Variants in DNAJB1 observed in about 807,000 individuals in gnomAD.
DNAJB1 encodes the protein DnaJ heat shock protein family (Hsp40) member B1, also known as dnaJ homolog subfamily B member 1.
A neutral mutation model predicts 24.0 loss-of-function variants in DNAJB1; 14 were observed. That is an observed-to-expected ratio of 0.58 (90% CI 0.39 to 0.91). The LOEUF is 0.91. Ranked by LOEUF, DNAJB1 falls within the 40% of genes least tolerant of loss-of-function variation. The pLI is 0.00. For synonymous variants in DNAJB1, 262 were observed against 174.4 expected, an observed-to-expected ratio of 1.50 and a Z score of -3.96; for missense variants, 517 against 458.1, an observed-to-expected ratio of 1.13 and a Z score of -1.17.
intron 1 of DNAJB1, among the ~76,000 whole-genome samples, chr19:14,537,333 G>A (rs1189938056): frequency 1.3e-5 from 2 of 151,688 alleles, no homozygotes; most frequent in Non-Finnish European, 2.9e-5. Context: ...GGGACGGGAT[G>A]AGTGGTGGGC....
At chr19:14,542,264 C>T (rs1308296040) in intron 1 of DNAJB1, among the ~76,000 whole-genome samples, 1 of 151,166 alleles carries the variant, frequency 6.6e-6, no homozygotes, top group East Asian at 1.9e-4. Context: ...CATGCCCGAC[C>T]ACATTCTACT....
intron 1 of DNAJB1, among the ~76,000 whole-genome samples, chr19:14,559,210 A>G (rs575629062): frequency 7.9e-5 from 12 of 152,280 alleles, no homozygotes; most frequent in African/African-American, 2.9e-4. Context: ...ACATGAAACT[A>G]ACCATTTAAA....
In DNAJB1 at chr19:14,516,947, T is replaced by G. The variant is rs1471664346; in HGVS notation, c.311A>C (p.Glu104Ala). The G allele has an allele frequency of 6.2e-7, 1 of 1,613,716 alleles. No individual in the cohort carries two copies. Residue 104 changes from glutamate (E) to alanine (A), a missense_variant, in exon 2 of 3, where the codon GAG (glutamate) becomes GCG (alanine). Physicochemically the swap from Glu to Ala is moderately radical, Grantham distance 107. Coordinates refer to ENST00000254322, the MANE Select transcript of DNAJB1 (RefSeq NM_006145.3). The part of the protein sequence containing the change: ...FHGDPHAMFA[E>A]FFGGRNPFDT... ...AAAGGGATTTCTGCCACCGAAGAACTCAGCAAACATGGCATGAGGGTCTCC... is the reference window on the plus strand; with the variant it reads ...AAAGGGATTTCTGCCACCGAAGAACGCAGCAAACATGGCATGAGGGTCTCC...
intron 1 of DNAJB1, among the ~76,000 whole-genome samples, chr19:14,543,966 G>A (rs972412717): frequency 1.4e-4 from 21 of 150,830 alleles, no homozygotes; most frequent in Non-Finnish European, 4.4e-5. Context: ...TCGAACTCCT[G>A]ACCTCAAATG....
chr19:14,519,507 C>T (rs904089372), upstream of DNAJB1, among the ~76,000 whole-genome samples: 4 of 152,314 alleles, frequency 2.6e-5, no homozygotes, highest in South Asian at 8.3e-4. Context: ...AGGATCTGGA[C>T]GGAAGCGCAT....
At chr19:14,527,131 C>G (rs1390524490) in intron 2 of DNAJB1, among the ~76,000 whole-genome samples, 3 of 129,230 alleles carry the variant, frequency 2.3e-5, no homozygotes, top group Non-Finnish European at 4.8e-5. Flanking sequence ...CAGAAGGCCT[C>G]AAAACTCAAA....
upstream of DNAJB1, chr19:14,533,848 T>C (rs2072762726): frequency 6.6e-6 from 1 of 152,202 alleles, no homozygotes; most frequent in South Asian, 2.1e-4. Flanking sequence ...GGGTCAGAGC[T>C]AGGTCGGTAA....
chr19:14,549,879 G>A (rs997739185), intron 1 of DNAJB1, among the ~76,000 whole-genome samples: 52 of 151,768 alleles, frequency 3.4e-4, no homozygotes, highest in African/African-American at 1.2e-3. Flanking sequence ...GCATGCGGAG[G>A]TTGCAGTGAG....
At chr19:14,539,746 C>T (rs548023147) in intron 1 of DNAJB1, among the ~76,000 whole-genome samples, 5 of 152,154 alleles carry the variant, frequency 3.3e-5, no homozygotes, top group Admixed American at 6.5e-5. Context: ...TTCGTGTTAC[C>T]GAGCGCTCAG....
intron 1 of DNAJB1, chr19:14,545,062 C>CTG (rs1491317706): frequency 4.4e-6 from 2 of 456,460 alleles, no homozygotes; most frequent in Non-Finnish European, 8.8e-6. Context: ...CTAAGCCTCT[C>CTG]ACCACTGTCT....
At chr19:14,532,954 A>C (rs1007024694), upstream of DNAJB1, among the ~76,000 whole-genome samples, 5 of 151,706 alleles carry the variant, frequency 3.3e-5, no homozygotes, top group South Asian at 2.1e-4. Context: ...TACTAAAAAC[A>C]AAAAAATTAG....
At chr19:14,554,985 G>T (rs1382336426), upstream of DNAJB1, among the ~76,000 whole-genome samples, 1 of 151,508 alleles carries the variant, frequency 6.6e-6, no homozygotes, top group Non-Finnish European at 1.5e-5. Context: ...CACCATGTTA[G>T]CCTGGCTGGT....
chr19:14,524,517 T>A (rs1222624376), intron 2 of DNAJB1, among the ~76,000 whole-genome samples: 1 of 150,488 alleles, frequency 6.6e-6, no homozygotes, highest in African/African-American at 2.5e-5. Context: ...TGAGACCCTG[T>A]CTCAAAAATA....
intron 1 of DNAJB1, among the ~76,000 whole-genome samples, chr19:14,549,477 C>T (rs922353228): frequency 6.6e-6 from 1 of 151,930 alleles, no homozygotes; most frequent in Non-Finnish European, 1.5e-5. Context: ...TCCTTGGCCC[C>T]CTAACCCGGC....
In DNAJB1 at chr19:14,518,326, C is replaced by T. The variant is rs141518218; in HGVS notation, c.24G>A (p.Thr8=). ...CCGACGCGCCGCGGGCCAGGCCCAA[C>T]GTCTGGTAGTAGTCTTTACCCATGA... MGKDYYQ[T]LGLARGASDE... Residue 8 remains threonine, a synonymous_variant, in exon 1 of 3, where the codon ACG becomes ACA. Transcript: ENST00000254322. 10,326 of 1,600,872 alleles carry T rather than the reference C, an allele frequency of 6.5e-3. 43 individuals are homozygous for T. The highest frequency in any genetic ancestry group is 8.1e-3 in the Non-Finnish European group (9,519 of 1,176,778).
chr19:14,548,200 G>A (rs1315535228), intron 1 of DNAJB1, among the ~76,000 whole-genome samples: 2 of 151,784 alleles, frequency 1.3e-5, no homozygotes, highest in Non-Finnish European at 2.9e-5. Flanking sequence ...CTGACTTCAT[G>A]ATCCGCCCCC....
intron 1 of DNAJB1, among the ~76,000 whole-genome samples, chr19:14,548,849 A>G (rs1057350061): frequency 6.6e-6 from 1 of 152,068 alleles, no homozygotes; most frequent in Non-Finnish European, 1.5e-5. Flanking sequence ...TGCTGTGATT[A>G]CAGGCGGGAG....
chr19:14,522,853 G>A (rs1013174834), upstream of DNAJB1, among the ~76,000 whole-genome samples: 17 of 152,064 alleles, frequency 1.1e-4, no homozygotes, highest in African/African-American at 3.6e-4. Context: ...TATTTCCTAC[G>A]TGTGTGATCT....
In DNAJB1 at chr19:14,543,248, G is replaced by C. The variant is rs1241838730; in HGVS notation, c.-214+6960C>G. ...GGGCAGATGGGTGGAGCTGCTGAAT[G>C]AATGTTTCTCAGGAGCTGGGTGGGG... On this transcript the variant is annotated intron_variant, in intron 1 of 3. Transcript: ENST00000676982. Among the ~76,000 whole-genome samples, 6 of 146,136 alleles carry C rather than the reference G, an allele frequency of 4.1e-5. No individual in the cohort carries two copies. In the South Asian group the frequency reaches 1.3e-3, roughly 32 times the overall value.
Sources: allele counts gnomAD v4.1 joint callset (sites outside exome capture counted in the v4.1 genomes callset), GRCh38; gene constraint gnomAD v4.1.1; transcripts MANE v1.5; gene names NCBI Gene and HGNC (gene_info 2026-07-23, HGNC 2026-07-21).